Variants in ESR1 observed in about 807,000 individuals in gnomAD.
The protein encoded by ESR1 is estrogen receptor 1, also known as estrogen receptor.
Under a neutral mutation model 52.7 loss-of-function variants are expected in ESR1, and 12 were observed. The observed-to-expected ratio is 0.23, with a 90% CI of 0.15 to 0.37. The LOEUF (loss-of-function observed/expected upper bound fraction) is 0.37, where lower values mean the gene tolerates loss of function less well. Ranked by LOEUF, ESR1 falls within the 10% of genes least tolerant of loss-of-function variation. ESR1 has a pLI of 1.00. For synonymous variants in ESR1, 305 were observed against 316.8 expected (o/e 0.96, Z 0.39); for missense variants, 584 against 779.7 (o/e 0.75, Z 2.99).
chr6:152,005,837 CCAGATAAT>C (rs2042285466), intron 4 of ESR1, among the ~76,000 whole-genome samples: 2 of 151,994 alleles, frequency 1.3e-5, no homozygotes, highest in South Asian at 2.1e-4. Flanking sequence ...AGTGTGCCCT[CCAGATAAT>C]CAGAAAGTCC....
chr6:151,856,735 T>C (rs983818557), intron 2 of ESR1, among the ~76,000 whole-genome samples: 1 of 152,190 alleles, frequency 6.6e-6, no homozygotes, highest in African/African-American at 2.4e-5. Flanking sequence ...CTTCTTTCAC[T>C]CTGCCACCTG....
intron 4 of ESR1, among the ~76,000 whole-genome samples, chr6:151,965,543 T>C (rs929781113): frequency 2.6e-5 from 4 of 152,176 alleles, no homozygotes; most frequent in African/African-American, 9.7e-5. Context: ...GTAAGGAATT[T>C]AGTACATATA....
intron 4 of ESR1, among the ~76,000 whole-genome samples, chr6:151,974,862 C>G (rs1414235103): frequency 6.6e-6 from 1 of 152,204 alleles, no homozygotes; most frequent in Non-Finnish European, 1.5e-5. Flanking sequence ...CTCGCTCTGT[C>G]TCTGCCTAGC....
At position 151,751,438 on chromosome 6, in the gene ESR1, G is replaced by A. The variant is rs73621054; in HGVS notation, c.-71+49433G>A. Among the ~76,000 whole-genome samples, 733 of 152,208 alleles carry A rather than the reference G, an allele frequency of 4.8e-3. 6 individuals are homozygous for A. Among genetic ancestry groups the A allele is most frequent in the African/African-American group, 0.017 (686 of 41,512 alleles). On this transcript the variant is annotated intron_variant, in intron 2 of 2. Coordinates refer to the ESR1 transcript ENST00000404742. ...ATAACCCAACTTATCATCATAGAACGCATGTAATGCTGAGAATAAGACACA... is the reference window on the plus strand; with the variant it reads ...ATAACCCAACTTATCATCATAGAACACATGTAATGCTGAGAATAAGACACA...
chr6:152,061,686 C>A lies in ESR1; in HGVS notation c.1369+562C>A, dbSNP rs974277. ...GCTCTATGAAGTCTGATTCTACTGC[C>A]CCTTCGTATTTATTTGTTTGAGAAA... On this transcript the variant is annotated intron_variant, in intron 6 of 7. Coordinates refer to ENST00000206249, the MANE Select transcript of ESR1 (RefSeq NM_000125.4). The surrounding 1 kb of genome is among the most constrained non-coding windows in gnomAD (Gnocchi z 4.3). Among the ~76,000 whole-genome samples the A allele has an allele frequency of 6.6e-6, 1 of 152,022 alleles. No homozygotes were observed. Among genetic ancestry groups the A allele is most frequent in the Non-Finnish European group, 1.5e-5 (1 of 67,998 alleles).
chr6:151,766,530 G>T lies in ESR1; in HGVS notation c.-70-41313G>T, dbSNP rs181019589. The stretch of plus-strand genomic sequence containing the variant: ...AAAAAAAAACAAATAAAAATCACAC[G>T]CCTCTTTTTTTCACTCAATCTGTTT... On this transcript the variant is annotated intron_variant, in intron 2 of 2. Coordinates refer to the ESR1 transcript ENST00000404742. Among the ~76,000 whole-genome samples, 886 of 151,940 alleles carry T rather than the reference G, an allele frequency of 5.8e-3. 3 individuals carry two copies. The highest frequency in any genetic ancestry group is 8.4e-3 in the Non-Finnish European group (571 of 67,934).
rs2152506061 is a variant in ESR1 at position 152,098,710 on chromosome 6, T to C, written c.1554-22T>C. 6.2e-7 allele frequency: 1 copy of C among 1,606,336 alleles called. No homozygotes were observed. On this transcript the variant is annotated intron_variant, in intron 7 of 7. Coordinates refer to ENST00000206249, the MANE Select transcript of ESR1 (RefSeq NM_000125.4). The surrounding 1 kb of genome is among the most constrained non-coding windows in gnomAD (Gnocchi z 5.1). ...CTCGGGTTGGCTCTAAAGTAGTCCT[T>C]TCTGTGTCTTCCCACCTACAGTAAC...
chr6:151,797,662 T>C (rs567874576), intron 2 of ESR1, among the ~76,000 whole-genome samples: 1 of 152,312 alleles, frequency 6.6e-6, no homozygotes, highest in Admixed American at 6.5e-5. Flanking sequence ...ATTAATTGCT[T>C]ACATAAGAAC....
intron 3 of ESR1, among the ~76,000 whole-genome samples, chr6:151,886,602 C>T (rs1040181278): frequency 6.6e-6 from 1 of 152,172 alleles, no homozygotes; most frequent in African/African-American, 2.4e-5. Context: ...CAATGAAACA[C>T]TGGAAAATAA....
rs562542288 is a variant in ESR1, at chr6:151,937,500, G to A, written c.761-6673G>A. Among the ~76,000 whole-genome samples, 3 of 152,260 alleles carry A rather than the reference G, an allele frequency of 2.0e-5. No homozygotes were observed. The East Asian group carries it at 5.8e-4, about 29-fold the overall frequency. ...GGAACTGTTGCAATGATCTAGGCAA[G>A]AAGGAACCTATGAACTAGGAGGGAG... On this transcript the variant is annotated intron_variant, in intron 3 of 7. Coordinates refer to ENST00000206249, the MANE Select transcript of ESR1 (RefSeq NM_000125.4).
chr6:151,859,420 G>C (rs1788472966), intron 2 of ESR1, among the ~76,000 whole-genome samples: 1 of 146,972 alleles, frequency 6.8e-6, no homozygotes, highest in South Asian at 2.2e-4. Context: ...ATTCAAACTA[G>C]CTTTGGGTAG....
At chr6:151,782,012 T>C (rs1786589867) in intron 2 of ESR1, among the ~76,000 whole-genome samples, 1 of 152,224 alleles carries the variant, frequency 6.6e-6, no homozygotes. Flanking sequence ...AAGTTCTTCA[T>C]TAACTGTAAC....
intron 2 of ESR1, among the ~76,000 whole-genome samples, chr6:151,732,784 T>A (rs1422977254): frequency 3.9e-5 from 6 of 152,186 alleles, no homozygotes; most frequent in Admixed American, 6.5e-5. Flanking sequence ...AGACTGTAAC[T>A]ACTGTAACCA....
intron 2 of ESR1, among the ~76,000 whole-genome samples, chr6:151,766,184 G>A (rs996881016): frequency 2.0e-5 from 3 of 152,006 alleles, no homozygotes; most frequent in African/African-American, 7.2e-5. Flanking sequence ...CTTCCTCTTC[G>A]CATTGCATTT....
At chr6:151,813,827 G>T (rs1288814752) in intron 1 of ESR1, among the ~76,000 whole-genome samples, 3 of 152,138 alleles carry the variant, frequency 2.0e-5, no homozygotes, top group Non-Finnish European at 1.5e-5. Flanking sequence ...TTCACTTAAA[G>T]TTAATAAAAT....
rs117053171 is a variant in ESR1 at position 151,721,700 on chromosome 6, A to G, written c.-71+19695A>G. ...GCATGCCCAAAGCTGGGAGAATAAG[A>G]TACTGTATGAGATGCTAGAAAGATC... On this transcript the variant is annotated intron_variant, in intron 2 of 2. Transcript: ENST00000404742. Among the ~76,000 whole-genome samples, 439 of 152,312 alleles carry G rather than the reference A, an allele frequency of 2.9e-3. 5 individuals are homozygous for G. Among genetic ancestry groups the G allele is most frequent in the East Asian group, 0.019 (96 of 5,176 alleles).
chr6:151,976,176 T>G (rs2039419983), intron 4 of ESR1, among the ~76,000 whole-genome samples: 3 of 152,190 alleles, frequency 2.0e-5, no homozygotes, highest in Admixed American at 2.0e-4. Context: ...TAAAAGAAGC[T>G]TTATTCTTTC....
chr6:151,786,853 A>G (rs1299213345), intron 2 of ESR1, among the ~76,000 whole-genome samples: 2 of 152,302 alleles, frequency 1.3e-5, no homozygotes, highest in Non-Finnish European at 1.5e-5. Flanking sequence ...TCTGTCACCC[A>G]GGCTGGAGTG....
intron 6 of ESR1, among the ~76,000 whole-genome samples, chr6:152,118,695 A>G (rs1412788758): frequency 1.3e-5 from 2 of 152,114 alleles, no homozygotes; most frequent in Non-Finnish European, 2.9e-5. Context: ...ATGGGTTGAT[A>G]GGTGCAGCAA....
Sources: allele counts gnomAD v4.1 joint callset (sites outside exome capture counted in the v4.1 genomes callset), GRCh38; gene constraint gnomAD v4.1.1; non-coding constraint Gnocchi (gnomAD v3.1); transcripts MANE v1.5; gene names NCBI Gene and HGNC (gene_info 2026-07-23, HGNC 2026-07-21).